The following PRRC2A variants were observed in gnomAD, a reference collection of about 807,000 sequenced individuals.
PRRC2A encodes proline rich coiled-coil 2A.
PRRC2A carries 59 observed loss-of-function variants against 224.6 expected under a neutral mutation model. The ratio of observed to expected loss-of-function variants is 0.26; its 90% CI spans 0.21 to 0.33. The LOEUF (loss-of-function observed/expected upper bound fraction) is 0.33, where lower values mean the gene tolerates loss of function less well. PRRC2A is among the 10% of genes least tolerant of loss of function. PRRC2A has a pLI of 1.00. For synonymous variants in PRRC2A, 1,194 were observed against 1,109.5 expected (o/e 1.08, Z -1.51); for missense variants, 3,095 against 2,880.7 (o/e 1.07, Z -1.70).
In PRRC2A at chr6:31,631,928, C is replaced by T. The variant is rs765920770; in HGVS notation, c.3255C>T (p.Ser1085=). ...CTGCTCCCCGAGGCCGCACTGCCAG[C>T]GAGACACGGAGCGAGGGTTCAGAGT... is the stretch of plus-strand genomic sequence containing the variant. The part of the protein sequence containing the change: ...HPPAPRGRTA[S]ETRSEGSEYE... The change falls in exon 16 of 31, where the codon AGC becomes AGT. Residue 1085 remains serine (S), a synonymous_variant. Transcript: ENST00000376033. The surrounding 1 kb of genome is among the most constrained non-coding windows in gnomAD (Gnocchi z 4.5). The T allele has an allele frequency of 5.6e-5, 90 of 1,612,708 alleles. No individual in the cohort carries two copies. Among genetic ancestry groups the T allele is most frequent in the Non-Finnish European group, 7.4e-5 (87 of 1,179,944 alleles).
chr6:31,631,898 CCCT>C lies in PRRC2A; in HGVS notation c.3229_3231del (p.Pro1077del), dbSNP rs759231081. 3.7e-6 allele frequency: 6 copies of C among 1,611,840 alleles called. No homozygotes were observed. In the Admixed American group the frequency reaches 1.0e-4, roughly 27 times the overall value. On this transcript the variant is annotated inframe_deletion, in exon 16 of 31. Coordinates refer to ENST00000376033, the MANE Select transcript of PRRC2A (RefSeq NM_004638.4). The surrounding 1 kb of genome is among the most constrained non-coding windows in gnomAD (Gnocchi z 4.5). ...GAGGTGGGACAGGGGGACCAAACCA[CCCT>C]CCTGCTCCCCGAGGCCGCACTGCCA...
intron 12 of PRRC2A, 107 bp from the exon 13 acceptor site, chr6:31,629,037 A>C: frequency 8.7e-7 from 1 of 1,146,160 alleles, no homozygotes; most frequent in Non-Finnish European, 1.3e-6. Flanking sequence ...TGTTGAATAG[A>C]ATATTTTAGT....
chr6:31,625,415 G>A lies in PRRC2A; in HGVS notation c.608-45G>A, dbSNP rs769719772. Reference sequence around the variant, plus strand: ...CCATCACTTTCAGCTGTGTTCACTTGTCCTCCAATCATTGATACCTCTCTC... The same window carrying A: ...CCATCACTTTCAGCTGTGTTCACTTATCCTCCAATCATTGATACCTCTCTC... On this transcript the variant is annotated intron_variant, in intron 6 of 30. Transcript: ENST00000376033. This position sits in a 1 kb window ranked among gnomAD's most constrained non-coding sequence, Gnocchi z 4.1. 1.1e-5 allele frequency: 18 copies of A among 1,609,930 alleles called. No homozygotes were observed. In the Admixed American group the frequency reaches 1.5e-4, roughly 13 times the overall value.
In PRRC2A at chr6:31,634,536, T is replaced by G; in HGVS notation, c.4914T>G (p.Phe1638Leu). ...CTTGGATGGAGCCCCTGAGTCCTTTTGAGGATGTGGCTGGCACAGAAGTGA... is the reference window on the plus strand; with the variant it reads ...CTTGGATGGAGCCCCTGAGTCCTTTGGAGGATGTGGCTGGCACAGAAGTGA... Reference protein sequence around the residue: ...MEPWMEPLSPFEDVAGTEMSQ... With the variant: ...MEPWMEPLSPLEDVAGTEMSQ... The change falls in exon 20 of 31, where the codon TTT (phenylalanine) becomes TTG (leucine). Residue 1638 changes from phenylalanine to leucine, a missense_variant. By Grantham distance (22) the Phe-to-Leu change is conservative. Coordinates refer to ENST00000376033, the MANE Select transcript of PRRC2A (RefSeq NM_004638.4). 6.2e-7 allele frequency: 1 copy of G among 1,612,578 alleles called. No individual in the cohort carries two copies. The highest frequency in any genetic ancestry group is 1.7e-5 in the Admixed American group (1 of 59,942).
intron 5 of PRRC2A, chr6:31,624,939 A>T (rs1440551780): frequency 8.8e-6 from 5 of 571,320 alleles, no homozygotes; most frequent in Non-Finnish European, 1.2e-5. Context: ...GCGGGACTAC[A>T]GGCACACGCC....
At position 31,632,078 on chromosome 6, in the gene PRRC2A, C is replaced by G; in HGVS notation, c.3405C>G (p.Val1135=). The part of the protein sequence containing the change: ...PTPKEGTLTQ[V]PLAPPPPGAP... ...CCAAGGAGGGAACACTCACCCAGGT[C>G]CCTCTCGCTCCCCCACCACCAGGAG... The change falls in exon 16 of 31, where the codon GTC becomes GTG. Residue 1135 remains valine (V), a synonymous_variant. Coordinates refer to ENST00000376033, the MANE Select transcript of PRRC2A (RefSeq NM_004638.4). 1.3e-6 allele frequency: 2 copies of G among 1,554,664 alleles called. No individual in the cohort carries two copies. The highest frequency in any genetic ancestry group is 1.4e-5 in the African/African-American group (1 of 73,380).
In PRRC2A at chr6:31,634,252, C is replaced by T. The variant is rs1777048018; in HGVS notation, c.4736C>T (p.Pro1579Leu). The T allele has an allele frequency of 1.9e-6, 3 of 1,588,492 alleles. No homozygotes were observed. Among genetic ancestry groups the T allele is most frequent in the Non-Finnish European group, 8.5e-7 (1 of 1,173,734 alleles). Reference sequence around the variant, plus strand: ...CATCTGTAGGAATCTTTGCCACCTCCTCATAGCTCTGGATTCTTGGGCTCT... The same window carrying T: ...CATCTGTAGGAATCTTTGCCACCTCTTCATAGCTCTGGATTCTTGGGCTCT... ...ELLQEESLPP[P>L]HSSGFLGSKP... is the part of the protein sequence containing the mutation. Residue 1579 changes from proline to leucine, a missense_variant, in exon 19 of 31, where the codon CCT (proline) becomes CTT (leucine). Pro to Leu is a moderately conservative substitution (Grantham distance 98). Around this residue, in one of 8 missense-constraint regions of PRRC2A, gnomAD observed 2,001 missense variants for 1,764.9 expected, o/e 1.13. Coordinates refer to ENST00000376033, the MANE Select transcript of PRRC2A (RefSeq NM_004638.4).
In PRRC2A at chr6:31,630,591, G is replaced by A; in HGVS notation, c.2255G>A (p.Gly752Asp). ...DFYPPGVHPS[G>D]LVPRERSDSG... ...TTTTCTTTTTCTTTGGTTTCTTCAGGCCTAGTTCCCCGAGAGCGTTCAGAC... is the reference window on the plus strand; with the variant it reads ...TTTTCTTTTTCTTTGGTTTCTTCAGACCTAGTTCCCCGAGAGCGTTCAGAC... The change falls in exon 15 of 31, where the codon GGC (glycine) becomes GAC (aspartate). Residue 752 changes from glycine (G) to aspartate (D), a missense_variant and splice_region_variant. Physicochemically the swap from Gly to Asp is moderately conservative, Grantham distance 94. This residue lies in a region of PRRC2A where 2,001 missense variants were observed against 1,764.9 expected (regional missense o/e 1.13). Transcript: ENST00000376033. 6.2e-7 allele frequency: 1 copy of A among 1,614,048 alleles called. No homozygotes were observed. Among genetic ancestry groups the A allele is most frequent in the Admixed American group, 1.7e-5 (1 of 59,998 alleles).
Position 31,627,276 on chromosome 6 carries a change from T to TA in PRRC2A, c.1290+79dup. On this transcript the variant is annotated intron_variant, in intron 11 of 30. Coordinates refer to ENST00000376033, the MANE Select transcript of PRRC2A (RefSeq NM_004638.4). This position sits in a 1 kb window ranked among gnomAD's most constrained non-coding sequence, Gnocchi z 5.6. ...AGCTGAGTAATTGAAGCGGTTGTGA[T>TA]ATAGAGGAAGGGGGGTGCTAAAAAT... 1 of 1,083,132 alleles carries TA rather than the reference T, an allele frequency of 9.2e-7. No individual in the cohort carries two copies. Among genetic ancestry groups the TA allele is most frequent in the Non-Finnish European group, 1.3e-6 (1 of 743,266 alleles). 67.1% of individuals were successfully genotyped at this position (1,083,132 alleles called of 1,614,324 possible). A position where few individuals can be genotyped will look rare whatever the true frequency, so the allele number is the denominator to read the frequency against.
Position 31,631,314 on chromosome 6 carries a change from C to T in PRRC2A, c.2641C>T (p.Pro881Ser). The stretch of plus-strand genomic sequence containing the variant: ...AGTGGCCAAGATACAAACTCCACCA[C>T]CCAAGAAGGAGCCCCCTAAGGAGGA... ...DEVAKIQTPP[P>S]KKEPPKEETA... The change falls in exon 16 of 31, where the codon CCC becomes TCC. Residue 881 changes from proline (P) to serine (S), a missense_variant. Physicochemically the swap from Pro to Ser is moderately conservative, Grantham distance 74. Around this residue, in one of 8 missense-constraint regions of PRRC2A, gnomAD observed 2,001 missense variants for 1,764.9 expected, o/e 1.13. Coordinates refer to ENST00000376033, the MANE Select transcript of PRRC2A (RefSeq NM_004638.4). This position sits in a 1 kb window ranked among gnomAD's most constrained non-coding sequence, Gnocchi z 4.5. 5 of 1,607,864 alleles carry T rather than the reference C, an allele frequency of 3.1e-6. No individual in the cohort carries two copies. Among genetic ancestry groups the T allele is most frequent in the Non-Finnish European group, 4.2e-6 (5 of 1,178,120 alleles).
At chr6:31,634,588 TG>T (rs774793527) in intron 20 of PRRC2A, 31 bp downstream of exon 20, 1 of 1,605,744 alleles carries the variant, frequency 6.2e-7, no homozygotes, top group Non-Finnish European at 8.5e-7. Context: ...GTGTCTGAGC[TG>T]GGACTTTTTT....
At position 31,632,223 on chromosome 6, in the gene PRRC2A, G is replaced by T. The variant is rs766297093; in HGVS notation, c.3550G>T (p.Gly1184Cys). ...GAGGCCCCCTCCTCAAGTTTGCCCA[G>T]GCTGGAGCCCTCCAGCCAAGTCTCT... ...GGRPPPQVCP[G>C]WSPPAKSLAP... is the part of the protein sequence containing the mutation. The change falls in exon 16 of 31, where the codon GGC becomes TGC. Residue 1184 changes from glycine to cysteine, a missense_variant. This residue lies in a region of PRRC2A where 2,001 missense variants were observed against 1,764.9 expected (regional missense o/e 1.13). Coordinates refer to ENST00000376033, the MANE Select transcript of PRRC2A (RefSeq NM_004638.4). 4.3e-6 allele frequency: 7 copies of T among 1,612,256 alleles called. No homozygotes were observed. In the East Asian group the frequency reaches 1.3e-4, roughly 31 times the overall value.
At chr6:31,623,121 C>T (rs2736172) in intron 2 of PRRC2A, 290,969 of 758,090 alleles carry the variant, frequency 0.38, 61,698 homozygotes, top group East Asian at 0.57. Flanking sequence ...TCTTTGGACA[C>T]GTAAGAATTG....
Position 31,623,748 on chromosome 6 carries a change from C to T in PRRC2A, c.129C>T (p.Gly43=), listed in dbSNP as rs1398326060. The change falls in exon 3 of 31, where the codon GGC becomes GGT. Residue 43 remains glycine, a synonymous_variant. Coordinates refer to ENST00000376033, the MANE Select transcript of PRRC2A (RefSeq NM_004638.4). ...IQKPAVAPRH[G]LQSLGKVAIA... The stretch of plus-strand genomic sequence containing the variant: ...GTTCTCCAGTTGCCCCTCGCCATGG[C>T]CTGCAGAGTCTCGGGAAAGTTGCCA... The T allele has an allele frequency of 6.2e-7, 1 of 1,614,184 alleles. No homozygotes were observed. Among genetic ancestry groups the T allele is most frequent in the South Asian group, 1.1e-5 (1 of 91,078 alleles).
chr6:31,635,996 A>G lies in PRRC2A; in HGVS notation c.5571A>G (p.Leu1857=). The change falls in exon 25 of 31, where the codon TTA becomes TTG. Residue 1857 remains leucine (L), a synonymous_variant. Coordinates refer to ENST00000376033, the MANE Select transcript of PRRC2A (RefSeq NM_004638.4). ...QISGGAMDSQ[L]HPNSGGFRPG... ...CTGGGGGAGCCATGGACTCTCAATTACATCCAAACAGTGGAGGCTTCCGCC... is the reference window on the plus strand; with the variant it reads ...CTGGGGGAGCCATGGACTCTCAATTGCATCCAAACAGTGGAGGCTTCCGCC... The G allele has an allele frequency of 6.2e-7, 1 of 1,613,404 alleles. No individual in the cohort carries two copies. The highest frequency in any genetic ancestry group is 8.5e-7 in the Non-Finnish European group (1 of 1,179,432).
rs1032445798 is a variant in PRRC2A at position 31,625,033 on chromosome 6, C to T, written c.464-138C>T. On this transcript the variant is annotated intron_variant, in intron 5 of 30. Coordinates refer to ENST00000376033, the MANE Select transcript of PRRC2A (RefSeq NM_004638.4). The surrounding 1 kb of genome is among the most constrained non-coding windows in gnomAD (Gnocchi z 4.1). Reference sequence around the variant, plus strand: ...CAGGATGGTCTCGATCTCTTGACCTCGTGATCCGCCCGCCTCAGCCTCCCA... The same window carrying T: ...CAGGATGGTCTCGATCTCTTGACCTTGTGATCCGCCCGCCTCAGCCTCCCA... 7.3e-6 allele frequency: 7 copies of T among 957,270 alleles called. No homozygotes were observed. Among genetic ancestry groups the T allele is most frequent in the South Asian group, 4.7e-5 (3 of 63,792 alleles). 59.3% of individuals were successfully genotyped at this position (957,270 alleles called of 1,614,324 possible).
At position 31,634,484 on chromosome 6, in the gene PRRC2A, A is replaced by G. The variant is rs776379065; in HGVS notation, c.4862A>G (p.Lys1621Arg). The change falls in exon 20 of 31, where the codon AAG becomes AGG. Residue 1621 changes from lysine to arginine, a missense_variant. This residue lies in a region of PRRC2A where 2,001 missense variants were observed against 1,764.9 expected (regional missense o/e 1.13). Transcript: ENST00000376033. Reference sequence around the variant, plus strand: ...CTCCCTTCTCCAGCCACTAGCCGAAAGAGTTACCGGCCCAGCTCCATGGAG... The same window carrying G: ...CTCCCTTCTCCAGCCACTAGCCGAAGGAGTTACCGGCCCAGCTCCATGGAG... ...WNRLHTATSRKSYRPSSMEPW... is the reference protein window; with the variant it reads ...WNRLHTATSRRSYRPSSMEPW... 1 of 1,612,964 alleles carries G rather than the reference A, an allele frequency of 6.2e-7. No homozygotes were observed. Among genetic ancestry groups the G allele is most frequent in the East Asian group, 2.2e-5 (1 of 44,880 alleles).
Position 31,625,989 on chromosome 6 carries a change from T to C in PRRC2A, c.840-31T>C, listed in dbSNP as rs1283862693. 1.2e-5 allele frequency: 19 copies of C among 1,609,384 alleles called. No individual in the cohort carries two copies. Among genetic ancestry groups the C allele is most frequent in the Non-Finnish European group, 1.4e-5 (17 of 1,178,270 alleles). ...CAGTCTCGCATGTGGTTATACAACATGCCATATTTCATTTTCTTTTTTGTG... is the reference window on the plus strand; with the variant it reads ...CAGTCTCGCATGTGGTTATACAACACGCCATATTTCATTTTCTTTTTTGTG... On this transcript the variant is annotated intron_variant, in intron 8 of 30. Transcript: ENST00000376033. The surrounding 1 kb of genome is among the most constrained non-coding windows in gnomAD (Gnocchi z 4.1).
At position 31,625,198 on chromosome 6, in the gene PRRC2A, G is replaced by A. The variant is rs374398273; in HGVS notation, c.491G>A (p.Arg164Gln). ...GGAAGGGCATCAAGCCTACTGTCAC[G>A]ATTCTCTCGAGAGGAATTTCCGACC... ...DGGRASSLLS[R>Q]FSREEFPTLQ... Residue 164 changes from arginine to glutamine, a missense_variant, in exon 6 of 31, where the codon CGA becomes CAA. By Grantham distance (43) the Arg-to-Gln change is conservative. This residue lies in a region of PRRC2A where 287 missense variants were observed against 275.3 expected (regional missense o/e 1.04). Coordinates refer to ENST00000376033, the MANE Select transcript of PRRC2A (RefSeq NM_004638.4). This position sits in a 1 kb window ranked among gnomAD's most constrained non-coding sequence, Gnocchi z 4.1. 6 of 1,612,898 alleles carry A rather than the reference G, an allele frequency of 3.7e-6. No homozygotes were observed. Among genetic ancestry groups the A allele is most frequent in the African/African-American group, 2.7e-5 (2 of 74,930 alleles).
Sources: gnomAD v4.1 joint callset for allele counts on GRCh38, gnomAD v4.1.1 for gene constraint, gnomAD v4.1.1 regional missense constraint, Gnocchi (gnomAD v3.1) non-coding constraint, MANE v1.5 for transcripts, NCBI Gene and HGNC (gene_info 2026-07-23, HGNC 2026-07-21) for gene names.